The following CMYA5 variants were observed in gnomAD, a reference collection of about 807,000 sequenced individuals.
CMYA5 encodes the protein cardiomyopathy-associated protein 5.
CMYA5 carries 246 observed loss-of-function variants against 318.9 expected under a neutral mutation model. The ratio of observed to expected loss-of-function variants is 0.77; its 90% CI spans 0.70 to 0.86. The LOEUF is 0.86. CMYA5 is among the 40% of genes least tolerant of loss of function. CMYA5 has a pLI of 0.00. For synonymous variants in CMYA5, 1,641 were observed against 1,729.5 expected (o/e 0.95, Z 1.27); for missense variants, 4,589 against 4,678.2 (o/e 0.98, Z 0.56).
chr5:79,737,202 T>C lies in CMYA5; in HGVS notation c.8437T>C (p.Ser2813Pro), dbSNP rs758470918. 1 of 1,613,620 alleles carries C rather than the reference T, an allele frequency of 6.2e-7. No individual in the cohort carries two copies. The highest frequency in any genetic ancestry group is 2.2e-5 in the East Asian group (1 of 44,852). The change falls in exon 2 of 13, where the codon TCA becomes CCA. Residue 2813 changes from serine to proline, a missense_variant. By Grantham distance (74) the Ser-to-Pro change is moderately conservative. Around this residue, in one of 3 missense-constraint regions of CMYA5, gnomAD observed 2,431 missense variants for 2,495.1 expected, o/e 0.97. Coordinates refer to ENST00000446378, the MANE Select transcript of CMYA5 (RefSeq NM_153610.5). Reference sequence around the variant, plus strand: ...CTCAGAAACACCGCCATATTTGCTGTCACCTGTAAAACCACAAACTCTTGC... The same window carrying C: ...CTCAGAAACACCGCCATATTTGCTGCCACCTGTAAAACCACAAACTCTTGC... The part of the protein sequence containing the change: ...KSSETPPYLL[S>P]PVKPQTLASG...
chr5:79,746,199 C>G (rs1477885524), intron 4 of CMYA5, among the ~76,000 whole-genome samples: 2 of 152,158 alleles, frequency 1.3e-5, no homozygotes, highest in Non-Finnish European at 2.9e-5. Context: ...CAGCAAGAAG[C>G]ACTGCTCTTA....
At chr5:79,768,434 G>A (rs1266126161) in intron 9 of CMYA5, among the ~76,000 whole-genome samples, 2 of 152,142 alleles carry the variant, frequency 1.3e-5, no homozygotes, top group Admixed American at 6.5e-5. Flanking sequence ...GCTGTGGGTG[G>A]TATTGGTTTT....
chr5:79,730,672 A>AGGAAT lies in CMYA5; in HGVS notation c.1908_1912dup (p.Phe638TrpfsTer76), dbSNP rs1827871884. On this transcript the variant is annotated frameshift_variant, in exon 2 of 13. Transcript: ENST00000446378. LOFTEE classifies it high-confidence loss of function. ...GCAGTTTTGTCAGAAGAAGAGAATG[A>AGGAAT]GGAATTTGAGGCTTATTCCCCAGCT... The AGGAAT allele has an allele frequency of 6.2e-7, 1 of 1,613,890 alleles. No homozygotes were observed. Among genetic ancestry groups the AGGAAT allele is most frequent in the Non-Finnish European group, 8.5e-7 (1 of 1,179,896 alleles).
intron 6 of CMYA5, 44 bp from the exon 7 acceptor site, chr5:79,758,709 A>G (rs750959985): frequency 6.7e-7 from 1 of 1,503,368 alleles, no homozygotes; most frequent in Non-Finnish European, 8.9e-7. Context: ...CCAAAAAATT[A>G]ATAAAAACAG....
chr5:79,745,213 T>G lies in CMYA5; in HGVS notation c.10735-9T>G, dbSNP rs760823698. 12 of 1,538,526 alleles carry G rather than the reference T, an allele frequency of 7.8e-6. No individual in the cohort carries two copies. Among genetic ancestry groups the G allele is most frequent in the Non-Finnish European group, 9.7e-6 (11 of 1,137,886 alleles). ...TCAGAAGTGGGCTTTTTTGCTTGTT[T>G]GTTTTCAGGAAAACTGTAGTAAAAA... On this transcript the variant is annotated splice_polypyrimidine_tract_variant and intron_variant, in intron 3 of 12. Coordinates refer to ENST00000446378, the MANE Select transcript of CMYA5 (RefSeq NM_153610.5).
chr5:79,787,871 C>T (rs1392267622), intron 9 of CMYA5, among the ~76,000 whole-genome samples: 2 of 152,110 alleles, frequency 1.3e-5, no homozygotes. Context: ...TCTGGTTCTC[C>T]ATGTTATTCT....
intron 1 of CMYA5, among the ~76,000 whole-genome samples, chr5:79,722,691 A>C (rs1827664600): frequency 6.6e-6 from 1 of 151,508 alleles, no homozygotes; most frequent in Non-Finnish European, 1.5e-5. Flanking sequence ...AAAAAAAAAA[A>C]AAAAAAATCT....
intron 1 of CMYA5, among the ~76,000 whole-genome samples, chr5:79,724,831 C>T (rs904859450): frequency 5.9e-5 from 9 of 152,198 alleles, no homozygotes; most frequent in Non-Finnish European, 1.2e-4. Context: ...CCTGTTGGCT[C>T]TGTCATTCAA....
At chr5:79,710,949 T>C (rs1827377248) in intron 1 of CMYA5, among the ~76,000 whole-genome samples, 1 of 152,048 alleles carries the variant, frequency 6.6e-6, no homozygotes, top group Non-Finnish European at 1.5e-5. Flanking sequence ...TGCTATAGTC[T>C]TATAACAATG....
chr5:79,694,857 G>A (rs1827036362), intron 1 of CMYA5, among the ~76,000 whole-genome samples: 1 of 152,134 alleles, frequency 6.6e-6, no homozygotes, highest in African/African-American at 2.4e-5. Flanking sequence ...CAGAATGGGA[G>A]GGGTTGACTG....
At position 79,733,824 on chromosome 5, in the gene CMYA5, G is replaced by A. The variant is rs868330557; in HGVS notation, c.5059G>A (p.Glu1687Lys). 1.2e-6 allele frequency: 2 copies of A among 1,613,712 alleles called. No homozygotes were observed. Among genetic ancestry groups the A allele is most frequent in the Admixed American group, 1.7e-5 (1 of 59,954 alleles). Reference sequence around the variant, plus strand: ...CAGAGAAGGAAAAGAAGAAAATAGAGAGCTTTGTGCATCTTCTACGATGCC... The same window carrying A: ...CAGAGAAGGAAAAGAAGAAAATAGAAAGCTTTGTGCATCTTCTACGATGCC... ...RSREGKEENR[E>K]LCASSTMPAI... is the part of the protein sequence containing the mutation. The change falls in exon 2 of 13, where the codon GAG (glutamate) becomes AAG (lysine). Residue 1687 changes from glutamate (E) to lysine (K), a missense_variant. Physicochemically the swap from Glu to Lys is moderately conservative, Grantham distance 56 (BLOSUM62 1). Coordinates refer to ENST00000446378, the MANE Select transcript of CMYA5 (RefSeq NM_153610.5).
intron 5 of CMYA5, among the ~76,000 whole-genome samples, chr5:79,747,577 T>A (rs1296042238): frequency 1.3e-5 from 2 of 152,252 alleles, no homozygotes; most frequent in African/African-American, 4.8e-5. Context: ...CTAACCTAAA[T>A]GAATCTCCCT....
At position 79,718,176 on chromosome 5, in the gene CMYA5, C is replaced by T. The variant is rs1468987040; in HGVS notation, c.150-10739C>T. ...TGCTGGGATTACAGGTGTGAGCCAC[C>T]GCACCCGGCCAGCTATTTTATATTA... is the stretch of plus-strand genomic sequence containing the variant. On this transcript the variant is annotated intron_variant, in intron 1 of 12. Transcript: ENST00000446378. Among the ~76,000 whole-genome samples, 14 of 151,326 alleles carry T rather than the reference C, an allele frequency of 9.3e-5. 5 individuals carry two copies. Among genetic ancestry groups the T allele is most frequent in the African/African-American group, 9.8e-5 (4 of 41,006 alleles).
intron 9 of CMYA5, among the ~76,000 whole-genome samples, chr5:79,775,973 A>G (rs1828932249): frequency 6.6e-6 from 1 of 152,172 alleles, no homozygotes; most frequent in Non-Finnish European, 1.5e-5. Context: ...GAAAACAAAA[A>G]TCTAGAATCT....
At chr5:79,785,666 A>C (rs1241773370) in intron 9 of CMYA5, among the ~76,000 whole-genome samples, 2 of 151,994 alleles carry the variant, frequency 1.3e-5, no homozygotes, top group African/African-American at 4.8e-5. Flanking sequence ...AGAGTTTTTC[A>C]ACTGATTTTC....
chr5:79,744,133 CGGTAACGACA>C (rs1031638053), intron 3 of CMYA5, among the ~76,000 whole-genome samples: 2 of 152,106 alleles, frequency 1.3e-5, no homozygotes, highest in African/African-American at 4.8e-5. Flanking sequence ...AAAGATTTGC[CGGTAACGACA>C]GACATGCATT....
chr5:79,692,912 A>G (rs1826996707), intron 1 of CMYA5, among the ~76,000 whole-genome samples: 2 of 152,234 alleles, frequency 1.3e-5, no homozygotes, highest in Admixed American at 1.3e-4. Context: ...AATATTTGCC[A>G]TAGACAATGC....
chr5:79,698,772 A>C (rs1827121249), intron 1 of CMYA5, among the ~76,000 whole-genome samples: 1 of 152,168 alleles, frequency 6.6e-6, no homozygotes, highest in African/African-American at 2.4e-5. Context: ...ACACCACCAG[A>C]ATGTAAATTC....
chr5:79,757,919 A>G (rs750841783), intron 6 of CMYA5, among the ~76,000 whole-genome samples: 4 of 152,232 alleles, frequency 2.6e-5, no homozygotes, highest in Non-Finnish European at 5.9e-5. Flanking sequence ...AGGGATACAC[A>G]TTCAACAGTG....
Sources: gnomAD v4.1 joint callset for allele counts (sites outside exome capture counted in the v4.1 genomes callset) on GRCh38, gnomAD v4.1.1 for gene constraint, gnomAD v4.1.1 regional missense constraint, MANE v1.5 for transcripts, NCBI Gene and HGNC (gene_info 2026-07-23, HGNC 2026-07-21) for gene names.